Variants in OR1J2 observed in about 807,000 individuals in gnomAD.
The protein encoded by OR1J2 is olfactory receptor 1J2.
For missense variants in OR1J2, 304 were observed against 246.1 expected (o/e 1.24, Z -1.57); for synonymous variants, 142 against 99.7 (o/e 1.42, Z -2.52).
chr9:122,554,153 C>A, the OR1J2 span: 18 of 1,609,848 alleles, frequency 1.1e-5, no homozygotes, highest in Non-Finnish European at 1.4e-5. Context: ...GAAAAACATT[C>A]TTTTTATGAT....
At chr9:122,490,571 A>G in the OR1J2 span, among the ~76,000 whole-genome samples, 1 of 152,186 alleles carries the variant, frequency 6.6e-6, no homozygotes, top group African/African-American at 2.4e-5. Flanking sequence ...AAATCAAAAC[A>G]AGTAGAAGGT....
At chr9:122,489,704 G>A in the OR1J2 span, among the ~76,000 whole-genome samples, 11 of 152,136 alleles carry the variant, frequency 7.2e-5, no homozygotes, top group African/African-American at 1.4e-4. Context: ...ACCTGTTCCC[G>A]GACTTGGTGA....
the OR1J2 span, among the ~76,000 whole-genome samples, chr9:122,518,959 A>C: frequency 6.6e-6 from 1 of 152,210 alleles, no homozygotes; most frequent in Non-Finnish European, 1.5e-5. Context: ...GAATTATCCC[A>C]TTTTGAGTGA....
At chr9:122,491,405 A>C in the OR1J2 span, among the ~76,000 whole-genome samples, 1 of 151,988 alleles carries the variant, frequency 6.6e-6, no homozygotes, top group African/African-American at 2.4e-5. Flanking sequence ...AAGCTGAGGA[A>C]AAAGAAGAAG....
chr9:122,576,091 G>A, the OR1J2 span, among the ~76,000 whole-genome samples: 1 of 152,124 alleles, frequency 6.6e-6, no homozygotes, highest in Non-Finnish European at 1.5e-5. Flanking sequence ...TAATAATATT[G>A]TAAGGCTGAA....
At chr9:122,495,658 T>C in the OR1J2 span, among the ~76,000 whole-genome samples, 1 of 152,192 alleles carries the variant, frequency 6.6e-6, no homozygotes, top group Non-Finnish European at 1.5e-5. Context: ...ATTAGCTTAA[T>C]AATCGAACTC....
At chr9:122,449,937 A>G in the OR1J2 span, among the ~76,000 whole-genome samples, 1 of 152,146 alleles carries the variant, frequency 6.6e-6, no homozygotes, top group African/African-American at 2.4e-5. Flanking sequence ...CTTTCCTCCC[A>G]GTTTACCTCT....
At chr9:122,562,989 A>C in the OR1J2 span, among the ~76,000 whole-genome samples, 1 of 152,212 alleles carries the variant, frequency 6.6e-6, no homozygotes, top group Admixed American at 6.5e-5. Flanking sequence ...TTGAGGGTGC[A>C]GATGACTCTT....
At chr9:122,467,459 C>T in the OR1J2 span, among the ~76,000 whole-genome samples, 1 of 152,128 alleles carries the variant, frequency 6.6e-6, no homozygotes, top group Non-Finnish European at 1.5e-5. Context: ...ACAGACTCCC[C>T]CAATTCTGTC....
chr9:122,495,544 T>A, the OR1J2 span, among the ~76,000 whole-genome samples: 2 of 152,044 alleles, frequency 1.3e-5, no homozygotes, highest in Non-Finnish European at 1.5e-5. Flanking sequence ...AGTTTTTTTT[T>A]AAAATGTATG....
chr9:122,522,252 T>A, the OR1J2 span, among the ~76,000 whole-genome samples: 60 of 152,304 alleles, frequency 3.9e-4, 2 homozygotes, highest in South Asian at 0.012. Context: ...TTCTGAAAAT[T>A]GGCAATTATG....
the OR1J2 span, among the ~76,000 whole-genome samples, chr9:122,448,308 C>T: frequency 6.6e-6 from 1 of 152,172 alleles, no homozygotes; most frequent in Admixed American, 6.5e-5. Context: ...TAAAGAGTAA[C>T]AGAGCAGTAT....
the OR1J2 span, among the ~76,000 whole-genome samples, chr9:122,579,748 G>A: frequency 6.6e-6 from 1 of 152,108 alleles, no homozygotes; most frequent in Non-Finnish European, 1.5e-5. Flanking sequence ...GTCAAGATTT[G>A]TGTAGGGAAG....
chr9:122,481,653 G>A, the OR1J2 span, among the ~76,000 whole-genome samples: 1 of 152,126 alleles, frequency 6.6e-6, no homozygotes, highest in South Asian at 2.1e-4. Context: ...TAAAACAATG[G>A]TAAGATAGCA....
the OR1J2 span, among the ~76,000 whole-genome samples, chr9:122,569,197 C>G: frequency 6.6e-6 from 1 of 152,154 alleles, no homozygotes; most frequent in African/African-American, 2.4e-5. Flanking sequence ...ATGCTATCAT[C>G]ATTAGTTTGC....
the OR1J2 span, among the ~76,000 whole-genome samples, chr9:122,501,899 A>C: frequency 6.6e-6 from 1 of 152,200 alleles, no homozygotes; most frequent in African/African-American, 2.4e-5. Context: ...CAAAATTATC[A>C]CCTGGTAACT....
the OR1J2 span, among the ~76,000 whole-genome samples, chr9:122,488,720 A>G: frequency 6.6e-6 from 1 of 152,342 alleles, no homozygotes; most frequent in East Asian, 1.9e-4. Flanking sequence ...CGGAGAATTA[A>G]GTGGAGGAGA....
chr9:122,513,142 A>T (rs1262192946), downstream of OR1J2, among the ~76,000 whole-genome samples: 1 of 152,182 alleles, frequency 6.6e-6, no homozygotes, highest in Non-Finnish European at 1.5e-5. Flanking sequence ...ATTTTTGTGG[A>T]TCCAATCCAT....
chr9:122,531,294 T>C, the OR1J2 span, among the ~76,000 whole-genome samples: 2 of 152,340 alleles, frequency 1.3e-5, no homozygotes, highest in East Asian at 1.9e-4. Flanking sequence ...TTTATTTACT[T>C]TAAGAGTTAA....
Sources: gnomAD v4.1 joint callset for allele counts (sites outside exome capture counted in the v4.1 genomes callset) on GRCh38, gnomAD v4.1.1 for gene constraint, MANE v1.5 for transcripts, NCBI Gene and HGNC (gene_info 2026-07-23, HGNC 2026-07-21) for gene names.